The following PDK3 variants were observed in gnomAD, a reference collection of about 807,000 sequenced individuals.
PDK3 encodes pyruvate dehydrogenase kinase 3, also known as pyruvate dehydrogenase kinase, isozyme 3.
In PDK3, 12 loss-of-function variants were observed where a neutral mutation model predicts 32.0. The ratio of observed to expected loss-of-function variants is 0.37; its 90% CI spans 0.24 to 0.61. PDK3 has a LOEUF of 0.61. PDK3 is among the 20% of genes least tolerant of loss of function. The probability of loss-of-function intolerance (pLI) is 0.65; values close to 1 mark genes in which losing one functional copy is unlikely to be tolerated. For missense variants in PDK3, 188 were observed against 316.9 expected (o/e 0.59, Z 3.09); for synonymous variants, 122 against 116.3 (o/e 1.05, Z -0.31).
Position 24,540,889 on chromosome X carries a change from CTTTTTTTTTTTTTTTTTTTTTTTT to C in PDK3, c.*1740_*1763del, listed in dbSNP as rs369307335. On this transcript the variant is annotated 3_prime_UTR_variant, in exon 12 of 12. Transcript: ENST00000568479. ...CTTTACATGCAAAGACCCTAGCTTC[CTTTTTTTTTTTTTTTTTTTTTTTT>C]TTTTTTTTTTTTTTGAGACACAGTT... is the stretch of plus-strand genomic sequence containing the variant. Among the ~76,000 whole-genome samples the C allele has an allele frequency of 9.0e-4, 33 of 36,679 alleles. 1 individual carries two copies. Among genetic ancestry groups the C allele is most frequent in the South Asian group, 3.8e-3 (2 of 532 alleles). The allele number at this position is 36,679 out of a possible 115,157, so 31.9% of individuals were successfully genotyped here. A position where few individuals can be genotyped will look rare whatever the true frequency, so the allele number is the denominator to read the frequency against.
In PDK3 at chrX:24,519,558, C is replaced by T. The variant is rs1241385239; in HGVS notation, c.673+548C>T. On this transcript the variant is annotated intron_variant, in intron 6 of 10. Transcript: ENST00000379162. ...CTAATTTTTGTATTTTTAGTAGAGA[C>T]GAGGTTTCACCATGTTGGCCAGGCT... is the stretch of plus-strand genomic sequence containing the variant. 6.4e-5 allele frequency among the ~76,000 whole-genome samples: 7 copies of T among 108,900 alleles called. No homozygotes were observed. In the East Asian group the frequency reaches 1.7e-3, roughly 27 times the overall value. 94.6% of individuals were successfully genotyped at this position (108,900 alleles called of 115,157 possible).
At chrX:24,525,700 T>C (rs111951428) in intron 6 of PDK3, among the ~76,000 whole-genome samples, 5,725 of 112,127 alleles carry the variant, frequency 0.051, 154 homozygotes, top group Middle Eastern at 0.078. Context: ...GAAAAAGTTA[T>C]GTGAACCTTA....
intron 6 of PDK3, among the ~76,000 whole-genome samples, chrX:24,522,415 G>A (rs1211817298): frequency 9.0e-6 from 1 of 111,595 alleles, no homozygotes; most frequent in African/African-American, 3.3e-5. Flanking sequence ...AATTGAGCAA[G>A]CCTTTAGATG....
intron 1 of PDK3, among the ~76,000 whole-genome samples, chrX:24,465,942 A>G (rs1414023881): frequency 1.8e-5 from 2 of 110,787 alleles, no homozygotes; most frequent in Non-Finnish European, 3.8e-5. Flanking sequence ...TGGTTGGGTA[A>G]GAACTGTTTA....
At chrX:24,485,279 C>T (rs1292118811) in intron 1 of PDK3, among the ~76,000 whole-genome samples, 3 of 112,027 alleles carry the variant, frequency 2.7e-5, no homozygotes, top group South Asian at 3.7e-4. Context: ...ACCTGGGAGG[C>T]GGAGGTTGCA....
At chrX:24,528,305 T>G in intron 9 of PDK3, 119 bp downstream of exon 9, 1 of 434,382 alleles carries the variant, frequency 2.3e-6, no homozygotes, top group East Asian at 3.8e-5. Context: ...GTTGCGTGTA[T>G]TATGGTTTGG....
chrX:24,479,793 C>G (rs1193363166), intron 1 of PDK3, among the ~76,000 whole-genome samples: 1 of 107,905 alleles, frequency 9.3e-6, no homozygotes. Flanking sequence ...TCAAAAAAAA[C>G]AAACAAAAAA....
At chrX:24,524,312 CAGTAGGTATGGAAGCTGGA>C (rs1210753821) in intron 6 of PDK3, among the ~76,000 whole-genome samples, 11 of 111,684 alleles carry the variant, frequency 9.8e-5, no homozygotes, top group Non-Finnish European at 1.7e-4. Context: ...GGATACCATG[CAGTAGGTATGGAAGCTGGA>C]AGTAGGTATG....
chrX:24,504,394 A>G (rs1277173123), intron 4 of PDK3, among the ~76,000 whole-genome samples: 1 of 112,447 alleles, frequency 8.9e-6, no homozygotes, highest in Non-Finnish European at 1.9e-5. Flanking sequence ...ACATGTACAC[A>G]TATATACGTG....
intron 1 of PDK3, among the ~76,000 whole-genome samples, chrX:24,484,748 AT>A (rs1173301750): frequency 9.0e-6 from 1 of 111,355 alleles, no homozygotes; most frequent in Non-Finnish European, 1.9e-5. Flanking sequence ...AGATTTTTGT[AT>A]TTTTTTAAAG....
intron 4 of PDK3, among the ~76,000 whole-genome samples, chrX:24,504,522 C>T (rs1168973387): frequency 8.9e-6 from 1 of 111,900 alleles, no homozygotes; most frequent in Non-Finnish European, 1.9e-5. Context: ...TTTAAAATAT[C>T]CCCTATTTTA....
chrX:24,528,921 G>A (rs1922582676), intron 9 of PDK3, among the ~76,000 whole-genome samples: 1 of 112,219 alleles, frequency 8.9e-6, no homozygotes, highest in African/African-American at 3.2e-5. Flanking sequence ...TCTGCAAAAT[G>A]GTTCAGGGTA....
chrX:24,467,113 T>C (rs1420096172), intron 1 of PDK3, among the ~76,000 whole-genome samples: 1 of 111,923 alleles, frequency 8.9e-6, no homozygotes, highest in African/African-American at 3.2e-5. Flanking sequence ...TTGGTAAGGA[T>C]GTTATGTGAG....
chrX:24,540,374 A>G (rs755156917), exon 12 of PDK3, among the ~76,000 whole-genome samples: 1 of 112,081 alleles, frequency 8.9e-6, no homozygotes, highest in South Asian at 3.7e-4. Flanking sequence ...TTTAATGTCC[A>G]TATAAATGTT....
At chrX:24,536,943 C>G (rs186869346), downstream of PDK3, among the ~76,000 whole-genome samples, 4 of 110,823 alleles carry the variant, frequency 3.6e-5, no homozygotes, top group Admixed American at 3.9e-4. Context: ...AATTGACATA[C>G]CTTTGGCCAA....
exon 12 of PDK3, among the ~76,000 whole-genome samples, chrX:24,543,053 ATTGT>A (rs1922923158): frequency 9.0e-6 from 1 of 111,470 alleles, no homozygotes; most frequent in African/African-American, 3.3e-5. Flanking sequence ...AGATGACCTG[ATTGT>A]TTGCCCTGGA....
intron 6 of PDK3, among the ~76,000 whole-genome samples, chrX:24,521,156 G>A (rs751526903): frequency 9.2e-6 from 1 of 108,601 alleles, no homozygotes; most frequent in Non-Finnish European, 1.9e-5. Context: ...GCATGTGCCT[G>A]TAATCTCAGC....
chrX:24,476,741 G>A (rs1230972740), intron 1 of PDK3, among the ~76,000 whole-genome samples: 4 of 111,959 alleles, frequency 3.6e-5, no homozygotes, highest in Admixed American at 9.5e-5. Flanking sequence ...TGCACACTGC[G>A]GGTTTTGACA....
chrX:24,512,016 A>C (rs1313277445), intron 5 of PDK3, among the ~76,000 whole-genome samples: 1 of 111,664 alleles, frequency 9.0e-6, no homozygotes, highest in East Asian at 2.8e-4. Flanking sequence ...AGTGGGGTGC[A>C]TCTTGTGTAG....
Sources: gnomAD v4.1 joint callset for allele counts (sites outside exome capture counted in the v4.1 genomes callset) on GRCh38, gnomAD v4.1.1 for gene constraint, MANE v1.5 for transcripts, NCBI Gene and HGNC (gene_info 2026-07-23, HGNC 2026-07-21) for gene names.